BICC1: variants seen among roughly 807,000 people sequenced by gnomAD.
BICC1 encodes the protein protein bicaudal C homolog 1.
In BICC1, 43 loss-of-function variants were observed where a neutral mutation model predicts 111.0. The observed-to-expected ratio is 0.39, with a 90% CI of 0.30 to 0.50. The LOEUF (loss-of-function observed/expected upper bound fraction) is 0.50. Ranked by LOEUF, BICC1 falls within the 20% of genes least tolerant of loss-of-function variation. BICC1 has a pLI of 0.88. For missense variants in BICC1, 1,091 were observed against 1,203.2 expected (o/e 0.91, Z 1.38); for synonymous variants, 467 against 434.4 (o/e 1.07, Z -0.93).
intron 3 of BICC1, among the ~76,000 whole-genome samples, chr10:58,754,645 T>C (rs1842089538): frequency 6.6e-6 from 1 of 151,972 alleles, no homozygotes; most frequent in African/African-American, 2.4e-5. Flanking sequence ...ATTTCTGGGG[T>C]GGGTGGTCTC....
At chr10:58,748,077 A>C (rs1276666469) in intron 3 of BICC1, among the ~76,000 whole-genome samples, 1 of 152,194 alleles carries the variant, frequency 6.6e-6, no homozygotes, top group African/African-American at 2.4e-5. Context: ...GGGTTCAAAA[A>C]TTATTTAAGA....
intron 3 of BICC1, among the ~76,000 whole-genome samples, chr10:58,743,764 A>G (rs1248745051): frequency 3.4e-5 from 4 of 116,706 alleles, no homozygotes; most frequent in Non-Finnish European, 6.8e-5. Flanking sequence ...AGTGAAGTTA[A>G]TAGTTTTCTT....
At chr10:58,737,093 T>C (rs1469292692) in intron 3 of BICC1, among the ~76,000 whole-genome samples, 1 of 152,116 alleles carries the variant, frequency 6.6e-6, no homozygotes, top group Non-Finnish European at 1.5e-5. Flanking sequence ...TTTTGTACTT[T>C]CTGTGATTTT....
chr10:58,550,205 A>G (rs1224186518), intron 1 of BICC1, among the ~76,000 whole-genome samples: 2 of 152,050 alleles, frequency 1.3e-5, no homozygotes, highest in Non-Finnish European at 2.9e-5. Flanking sequence ...ATATTTTTGT[A>G]GAGACGGGGT....
chr10:58,820,007 TTTC>T (rs1844208590), intron 19 of BICC1, among the ~76,000 whole-genome samples: 2 of 152,178 alleles, frequency 1.3e-5, no homozygotes, highest in African/African-American at 4.8e-5. Flanking sequence ...TATTATTTAG[TTTC>T]TTCTTATAAA....
At chr10:58,530,812 A>T (rs1004138275) in intron 1 of BICC1, among the ~76,000 whole-genome samples, 1 of 151,782 alleles carries the variant, frequency 6.6e-6, no homozygotes, top group African/African-American at 2.4e-5. Flanking sequence ...ATGCTTTATG[A>T]GATTACAAAA....
chr10:58,512,632 T>C (rs192240443), upstream of BICC1, among the ~76,000 whole-genome samples: 1 of 152,052 alleles, frequency 6.6e-6, no homozygotes, highest in Non-Finnish European at 1.5e-5. Flanking sequence ...TTCAGGAGTG[T>C]GTGTGTTTGA....
intron 20 of BICC1, among the ~76,000 whole-genome samples, chr10:58,827,069 CT>C (rs1239566404): frequency 6.6e-6 from 1 of 152,160 alleles, no homozygotes; most frequent in Non-Finnish European, 1.5e-5. Context: ...GATAATGCCC[CT>C]GGCCACTGAA....
At position 58,648,302 on chromosome 10, in the gene BICC1, C is replaced by T. The variant is rs77422914; in HGVS notation, c.237+27401C>T. 3.5e-3 allele frequency among the ~76,000 whole-genome samples: 530 copies of T among 152,296 alleles called. 3 individuals are homozygous for T. Among genetic ancestry groups the T allele is most frequent in the African/African-American group, 0.012 (502 of 41,572 alleles). On this transcript the variant is annotated intron_variant, in intron 2 of 20. Transcript: ENST00000373886. ...ACAACTGCCCTCTTTGAACTGTGTT[C>T]TCATATGTAACAGATTGTACACAAC...
At chr10:58,761,785 CT>C (rs1461608115) in intron 3 of BICC1, among the ~76,000 whole-genome samples, 2 of 152,108 alleles carry the variant, frequency 1.3e-5, no homozygotes, top group Admixed American at 6.6e-5. Context: ...ATATCATTAT[CT>C]TTAGAGGTCT....
chr10:58,652,688 T>G (rs1838488430), intron 2 of BICC1, among the ~76,000 whole-genome samples: 2 of 152,178 alleles, frequency 1.3e-5, no homozygotes, highest in South Asian at 4.1e-4. Flanking sequence ...TGATAAAATT[T>G]TAATATTGTT....
intron 3 of BICC1, among the ~76,000 whole-genome samples, chr10:58,731,979 G>T (rs1043959106): frequency 3.3e-5 from 5 of 152,180 alleles, no homozygotes; most frequent in African/African-American, 9.7e-5. Flanking sequence ...TCATTTGTGC[G>T]TTCACTGGAG....
At chr10:58,745,344 GATAATA>G (rs1316067472) in intron 3 of BICC1, among the ~76,000 whole-genome samples, 1 of 152,070 alleles carries the variant, frequency 6.6e-6, no homozygotes. Flanking sequence ...AGATGGGAAT[GATAATA>G]ATAATCCCTC....
intron 2 of BICC1, among the ~76,000 whole-genome samples, chr10:58,670,995 C>G (rs1390824801): frequency 3.3e-5 from 5 of 152,150 alleles, no homozygotes; most frequent in Non-Finnish European, 1.5e-5. Flanking sequence ...ACAAGCAAAA[C>G]ATGGCTCTAC....
chr10:58,681,555 G>C (rs1839521203), intron 2 of BICC1, among the ~76,000 whole-genome samples: 1 of 152,200 alleles, frequency 6.6e-6, no homozygotes, highest in African/African-American at 2.4e-5. Context: ...CTGTTGGTGG[G>C]AGTGTAAATT....
At chr10:58,759,612 A>G (rs1402918683) in intron 3 of BICC1, among the ~76,000 whole-genome samples, 1 of 152,166 alleles carries the variant, frequency 6.6e-6, no homozygotes. Context: ...TCTATGGTGT[A>G]AAAGAAACTG....
chr10:58,721,820 T>C lies in BICC1; in HGVS notation c.307+19677T>C, dbSNP rs1840948185. 3.9e-5 allele frequency among the ~76,000 whole-genome samples: 6 copies of C among 152,164 alleles called. No individual in the cohort carries two copies. In the South Asian group the frequency reaches 1.2e-3, roughly 32 times the overall value. On this transcript the variant is annotated intron_variant, in intron 3 of 20. Transcript: ENST00000373886. ...CAGGTGGTTTAAGATTCTCAGGCTA[T>C]TGGCAACTATGATGTGGCTCCTGCC...
At chr10:58,741,472 C>A (rs1349919859) in intron 3 of BICC1, among the ~76,000 whole-genome samples, 1 of 152,118 alleles carries the variant, frequency 6.6e-6, no homozygotes, top group African/African-American at 2.4e-5. Flanking sequence ...AGAGTGAGAT[C>A]ATTTTTGCTC....
At chr10:58,568,001 A>G (rs1052693288) in intron 1 of BICC1, among the ~76,000 whole-genome samples, 4 of 152,138 alleles carry the variant, frequency 2.6e-5, no homozygotes, top group African/African-American at 9.7e-5. Flanking sequence ...GAAAGAAAAA[A>G]CAGTTAAAAT....
Sources: gnomAD v4.1 joint callset for allele counts (sites outside exome capture counted in the v4.1 genomes callset) on GRCh38, gnomAD v4.1.1 for gene constraint, MANE v1.5 for transcripts, NCBI Gene and HGNC (gene_info 2026-07-23, HGNC 2026-07-21) for gene names.